CLEC16A: variants seen among roughly 807,000 people sequenced by gnomAD.
CLEC16A encodes the protein C-type lectin domain containing 16A.
In CLEC16A, 51 loss-of-function variants were observed where a neutral mutation model predicts 109.5. The ratio of observed to expected loss-of-function variants is 0.47; its 90% CI spans 0.37 to 0.59. The LOEUF is 0.59. Ranked by LOEUF, CLEC16A falls within the 20% of genes least tolerant of loss-of-function variation. The pLI, the probability that CLEC16A is intolerant of heterozygous loss-of-function variation, is 0.00. For missense variants in CLEC16A, 1,339 were observed against 1,394.0 expected, an observed-to-expected ratio of 0.96 and a Z score of 0.63; for synonymous variants, 673 against 564.2, an observed-to-expected ratio of 1.19 and a Z score of -2.73.
chr16:11,035,541 G>T (rs1365612826), intron 13 of CLEC16A, among the ~76,000 whole-genome samples: 1 of 152,152 alleles, frequency 6.6e-6, no homozygotes, highest in African/African-American at 2.4e-5. Flanking sequence ...TGCATTCAGG[G>T]CTGGGCTTTC....
chr16:11,133,000 T>C (rs1310806887), intron 22 of CLEC16A, among the ~76,000 whole-genome samples: 1 of 152,168 alleles, frequency 6.6e-6, no homozygotes, highest in African/African-American at 2.4e-5. Context: ...GGGTGTGAGC[T>C]GGCAAGTTGG....
At chr16:11,105,643 G>A (rs961094738) in intron 19 of CLEC16A, among the ~76,000 whole-genome samples, 1 of 152,224 alleles carries the variant, frequency 6.6e-6, no homozygotes, top group African/African-American at 2.4e-5. Context: ...AGCAGACAGA[G>A]CTGAGCCCAA....
At chr16:11,072,493 T>G (rs200939334) in intron 19 of CLEC16A, among the ~76,000 whole-genome samples, 2 of 152,030 alleles carry the variant, frequency 1.3e-5, no homozygotes, top group Non-Finnish European at 2.9e-5. Flanking sequence ...GAGAGAGAGA[T>G]AATCCAGTCC....
chr16:10,986,171 C>G lies in CLEC16A; in HGVS notation c.1071+3180C>G, dbSNP rs1170673602. ...TCAGCCTCCCAAGTAGCTGGGACTA[C>G]AGGCGCCTGCCCCCACACCCGGCTC... On this transcript the variant is annotated intron_variant, in intron 10 of 23. Transcript: ENST00000409790. 3.3e-5 allele frequency among the ~76,000 whole-genome samples: 5 copies of G among 151,664 alleles called. No individual in the cohort carries two copies. The East Asian group carries it at 9.6e-4, about 29-fold the overall frequency.
chr16:11,009,085 C>T (rs951680642), intron 11 of CLEC16A, among the ~76,000 whole-genome samples: 5 of 152,170 alleles, frequency 3.3e-5, no homozygotes, highest in Non-Finnish European at 7.3e-5. Flanking sequence ...CTTGTAAAAC[C>T]AAAACTGTGC....
intron 22 of CLEC16A, among the ~76,000 whole-genome samples, chr16:11,134,274 A>G (rs1443956462): frequency 6.6e-6 from 1 of 151,338 alleles, no homozygotes; most frequent in East Asian, 1.9e-4. Context: ...GTCGGCTCCA[A>G]CTCTAAGCAT....
chr16:11,020,261 C>T lies in CLEC16A; in HGVS notation c.1372C>T (p.Gln458Ter), dbSNP rs1404212215. 6.2e-7 allele frequency: 1 copy of T among 1,613,870 alleles called. No homozygotes were observed. Among genetic ancestry groups the T allele is most frequent in the Non-Finnish European group, 8.5e-7 (1 of 1,179,854 alleles). The change falls in exon 12 of 24, where the codon CAG becomes TAG. Residue 458 changes from glutamine to a stop codon, truncating the protein, a stop_gained. Coordinates refer to ENST00000409790, the MANE Select transcript of CLEC16A (RefSeq NM_015226.3). LOFTEE classifies it high-confidence loss of function. Reference sequence around the variant, plus strand: ...GGCCGCCAGCACCTCCGTGCAGGAGCAGAACACCACGGACGAGGAGAAAAG... The same window carrying T: ...GGCCGCCAGCACCTCCGTGCAGGAGTAGAACACCACGGACGAGGAGAAAAG... Reference protein sequence around the residue: ...ELAASTSVQEQNTTDEEKSAA... With the variant: ...ELAASTSVQE
At chr16:10,999,063 A>G (rs1410788087) in intron 10 of CLEC16A, among the ~76,000 whole-genome samples, 1 of 152,250 alleles carries the variant, frequency 6.6e-6, no homozygotes, top group Non-Finnish European at 1.5e-5. Context: ...CTTAGTCCCA[A>G]TGTCCAAATG....
At chr16:11,148,618 C>G (rs999170535) in intron 22 of CLEC16A, among the ~76,000 whole-genome samples, 20 of 152,316 alleles carry the variant, frequency 1.3e-4, no homozygotes, top group Non-Finnish European at 2.6e-4. Context: ...GAACCCATGT[C>G]TGTCTGCCAC....
intron 22 of CLEC16A, among the ~76,000 whole-genome samples, chr16:11,146,032 C>T (rs929907248): frequency 2.0e-5 from 3 of 152,166 alleles, no homozygotes; most frequent in Admixed American, 2.0e-4. Context: ...TAGGTATGCT[C>T]CTATTTGGAG....
At chr16:11,053,628 C>G (rs1237973153) in intron 18 of CLEC16A, among the ~76,000 whole-genome samples, 1 of 152,202 alleles carries the variant, frequency 6.6e-6, no homozygotes, top group Non-Finnish European at 1.5e-5. Flanking sequence ...ACCTCGGCCT[C>G]TCAAAGTGCT....
intron 13 of CLEC16A, among the ~76,000 whole-genome samples, chr16:11,025,838 C>T (rs1174248334): frequency 6.6e-6 from 1 of 152,152 alleles, no homozygotes; most frequent in African/African-American, 2.4e-5. Flanking sequence ...CCACCTTTGA[C>T]CCCAGCTCTC....
At chr16:10,994,159 G>A (rs1218605103) in intron 10 of CLEC16A, among the ~76,000 whole-genome samples, 1 of 152,186 alleles carries the variant, frequency 6.6e-6, no homozygotes, top group East Asian at 1.9e-4. Context: ...TCATGGAGAA[G>A]AATGCCGTGT....
Position 11,044,009 on chromosome 16 carries a change from C to G in CLEC16A, c.1771-19C>G. The stretch of plus-strand genomic sequence containing the variant: ...TATATGAGACCTGCCTCCTTCACAC[C>G]TTCCTTCTCTTTTAACAGGGTGCGA... On this transcript the variant is annotated intron_variant, in intron 15 of 23. Coordinates refer to ENST00000409790, the MANE Select transcript of CLEC16A (RefSeq NM_015226.3). 3 of 1,590,660 alleles carry G rather than the reference C, an allele frequency of 1.9e-6. No homozygotes were observed. Among genetic ancestry groups the G allele is most frequent in the Non-Finnish European group, 2.6e-6 (3 of 1,167,182 alleles).
At chr16:11,043,857 G>C (rs1316851079) in intron 15 of CLEC16A, among the ~76,000 whole-genome samples, 171 bp from the exon 16 acceptor site, 6 of 149,430 alleles carry the variant, frequency 4.0e-5, no homozygotes, top group Non-Finnish European at 8.9e-5. Context: ...CTGGGTGACA[G>C]AACAAGACTC....
intron 19 of CLEC16A, among the ~76,000 whole-genome samples, chr16:11,104,481 A>AC (rs1310486822): frequency 6.6e-6 from 1 of 151,832 alleles, no homozygotes; most frequent in African/African-American, 2.4e-5. Context: ...TGGGGACCTC[A>AC]CCCCCTAAGG....
intron 22 of CLEC16A, chr16:11,156,565 C>T: frequency 1.5e-6 from 2 of 1,302,756 alleles, no homozygotes; most frequent in Non-Finnish European, 2.0e-6. Context: ...CCTCCTGCTG[C>T]CGTTTCAGCC....
intron 10 of CLEC16A, among the ~76,000 whole-genome samples, chr16:10,998,872 G>A (rs1321722413): frequency 2.0e-5 from 3 of 152,172 alleles, no homozygotes; most frequent in Admixed American, 6.5e-5. Context: ...CTTGGAGGCT[G>A]GCAGCCAGAA....
intron 22 of CLEC16A, among the ~76,000 whole-genome samples, chr16:11,148,800 G>A (rs564672049): frequency 2.6e-5 from 4 of 152,308 alleles, no homozygotes; most frequent in African/African-American, 9.6e-5. Context: ...CTTTCTCCGA[G>A]CACAGCGATG....
Sources: allele counts gnomAD v4.1 joint callset (sites outside exome capture counted in the v4.1 genomes callset), GRCh38; gene constraint gnomAD v4.1.1; transcripts MANE v1.5; gene names NCBI Gene and HGNC (gene_info 2026-07-23, HGNC 2026-07-21).